The following NOS1 variants were observed in gnomAD, a reference collection of about 807,000 sequenced individuals.
The protein encoded by NOS1 is nitric oxide synthase 1.
NOS1 carries 51 observed loss-of-function variants against 164.5 expected under a neutral mutation model. That is an observed-to-expected ratio of 0.31 (90% confidence interval 0.25 to 0.39). NOS1 has a LOEUF of 0.39. Among genes scored for constraint, NOS1 ranks in the 10% least tolerant of loss-of-function variants. The pLI, the probability that NOS1 is intolerant of heterozygous loss-of-function variation, is 1.00. For synonymous variants in NOS1, 719 were observed against 745.8 expected, an observed-to-expected ratio of 0.96 and a Z score of 0.59; for missense variants, 1,362 against 1,885.6, an observed-to-expected ratio of 0.72 and a Z score of 5.14.
chr12:117,269,440 A>AG (rs1189379043), intron 10 of NOS1, among the ~76,000 whole-genome samples: 1 of 138,168 alleles, frequency 7.2e-6, no homozygotes, highest in East Asian at 2.2e-4. Flanking sequence ...TGACGGGCCC[A>AG]GGGGGCAGGA....
At chr12:117,341,378 C>T (rs551096109) in intron 1 of NOS1, among the ~76,000 whole-genome samples, 3 of 152,054 alleles carry the variant, frequency 2.0e-5, no homozygotes, top group Admixed American at 6.6e-5. Flanking sequence ...ACCACTAGGG[C>T]GGGATGAGGA....
At chr12:117,263,380 C>T (rs747951962) in intron 13 of NOS1, among the ~76,000 whole-genome samples, 6 of 151,950 alleles carry the variant, frequency 3.9e-5, no homozygotes, top group Non-Finnish European at 7.4e-5. Flanking sequence ...ACCTGTAATC[C>T]TAGCACTTTG....
At chr12:117,339,002 G>A (rs1875968747) in intron 1 of NOS1, among the ~76,000 whole-genome samples, 1 of 152,106 alleles carries the variant, frequency 6.6e-6, no homozygotes, top group African/African-American at 2.4e-5. Flanking sequence ...AAGACTGAAA[G>A]CGTAAACCCA....
chr12:117,219,749 T>C (rs763438003), intron 27 of NOS1, among the ~76,000 whole-genome samples: 50 of 152,182 alleles, frequency 3.3e-4, no homozygotes, highest in Non-Finnish European at 3.1e-4. Context: ...CCTGCACAAC[T>C]ACATGGGGCA....
intron 20 of NOS1, among the ~76,000 whole-genome samples, chr12:117,241,222 G>T (rs1870148703): frequency 6.6e-6 from 1 of 152,090 alleles, no homozygotes; most frequent in African/African-American, 2.4e-5. Flanking sequence ...ACAGGTGTGA[G>T]CCACCGTGCC....
intron 3 of NOS1, among the ~76,000 whole-genome samples, chr12:117,301,713 T>C (rs1276795085): frequency 6.6e-6 from 1 of 152,180 alleles, no homozygotes; most frequent in Admixed American, 6.5e-5. Flanking sequence ...AAATCACATC[T>C]GTCCCATTGA....
At position 117,234,597 on chromosome 12, in the gene NOS1, A is replaced by G. The variant is rs1353813600; in HGVS notation, c.3203T>C (p.Val1068Ala). The change falls in exon 21 of 29, where the codon GTG (valine) becomes GCG (alanine). Residue 1068 changes from valine (V) to alanine (A), a missense_variant. Physicochemically the swap from Val to Ala is moderately conservative, Grantham distance 64. Coordinates refer to ENST00000317775, the MANE Select transcript of NOS1 (RefSeq NM_000620.5). The surrounding 1 kb of genome is among the most constrained non-coding windows in gnomAD (Gnocchi z 4.3). ...CGTGTTCCGCTCCTCCAGCAGTTCC[A>G]CTTTCACCATCTGGTTGACAGGCGG... ...DAPPVNQMVK[V>A]ELLEERNTAL... is the part of the protein sequence containing the mutation. 6.2e-7 allele frequency: 1 copy of G among 1,613,882 alleles called. No homozygotes were observed.
chr12:117,345,160 T>C (rs1876292904), intron 1 of NOS1, among the ~76,000 whole-genome samples: 1 of 151,608 alleles, frequency 6.6e-6, no homozygotes, highest in Non-Finnish European at 1.5e-5. Flanking sequence ...GCCTCCTGAG[T>C]AGCTGGGACT....
chr12:117,216,978 C>T (rs757825105), intron 28 of NOS1, among the ~76,000 whole-genome samples: 6 of 152,070 alleles, frequency 3.9e-5, no homozygotes, highest in African/African-American at 7.2e-5. Context: ...AAGTAAAGGG[C>T]GTCCAGGGGT....
At chr12:117,266,444 G>A (rs1566048530) in intron 11 of NOS1, among the ~76,000 whole-genome samples, 1 of 152,058 alleles carries the variant, frequency 6.6e-6, no homozygotes, top group Non-Finnish European at 1.5e-5. Flanking sequence ...GAATTCGGTT[G>A]GTTCCACATT....
rs528579941 is a variant in NOS1, at chr12:117,311,386, C to T, written c.852+80G>A. On this transcript the variant is annotated intron_variant, in intron 3 of 28. Coordinates refer to ENST00000317775, the MANE Select transcript of NOS1 (RefSeq NM_000620.5). ...CATGACACAGTTTAGGATTTAGCTT[C>T]CCTCCCCTCAGCTTCCCACCTGGGA... is the stretch of plus-strand genomic sequence containing the variant. 40 of 1,468,790 alleles carry T rather than the reference C, an allele frequency of 2.7e-5. No homozygotes were observed. The African/African-American group carries it at 5.2e-4, about 19-fold the overall frequency. 91.0% of individuals were successfully genotyped at this position (1,468,790 alleles called of 1,614,324 possible). A position where few individuals can be genotyped will look rare whatever the true frequency, so the allele number is the denominator to read the frequency against.
chr12:117,345,196 T>C (rs1708384010), intron 1 of NOS1, among the ~76,000 whole-genome samples: 1 of 152,140 alleles, frequency 6.6e-6, no homozygotes, highest in South Asian at 2.1e-4. Flanking sequence ...CTAATTTTTA[T>C]ATTTTTAGTG....
chr12:117,269,460 ATTTGTT>A (rs1282633978), intron 10 of NOS1, among the ~76,000 whole-genome samples: 3 of 110,048 alleles, frequency 2.7e-5, no homozygotes, highest in Non-Finnish European at 5.0e-5. Flanking sequence ...ATCTCTGGAG[ATTTGTT>A]TTTTTTTTTT....
chr12:117,334,608 T>G (rs112390840), intron 1 of NOS1, among the ~76,000 whole-genome samples: 16,787 of 152,112 alleles, frequency 0.11, 1,065 homozygotes, highest in Admixed American at 0.19. Flanking sequence ...TTGGACAGGC[T>G]GGTCTCGAAC....
chr12:117,237,542 T>TC (rs906846953), intron 20 of NOS1, among the ~76,000 whole-genome samples: 1 of 151,876 alleles, frequency 6.6e-6, no homozygotes, highest in Admixed American at 6.6e-5. Flanking sequence ...TATTCCCTTC[T>TC]CCCCCCGAGT....
intron 7 of NOS1, among the ~76,000 whole-genome samples, chr12:117,282,600 T>A (rs920556595): frequency 6.6e-6 from 1 of 152,136 alleles, no homozygotes. Context: ...CAACGTAGCA[T>A]GTAATTCTGC....
intron 3 of NOS1, among the ~76,000 whole-genome samples, chr12:117,294,969 C>A (rs575894652): frequency 6.6e-6 from 1 of 152,170 alleles, no homozygotes; most frequent in African/African-American, 2.4e-5. Context: ...CAGCCAGGCT[C>A]AAAAGGAGGC....
intron 24 of NOS1, 79 bp downstream of exon 24, chr12:117,226,604 A>G: frequency 7.9e-7 from 1 of 1,265,582 alleles, no homozygotes; most frequent in East Asian, 2.3e-5. Flanking sequence ...AACCCTTCAG[A>G]CTGGTCCACC....
intron 14 of NOS1, 49 bp from the exon 15 acceptor site, chr12:117,259,179 G>A: frequency 7.7e-7 from 1 of 1,302,530 alleles, no homozygotes; most frequent in Non-Finnish European, 1.1e-6. Context: ...AGAAGGGGAT[G>A]AGGAGAGAAA....
Sources: gnomAD v4.1 joint callset for allele counts (sites outside exome capture counted in the v4.1 genomes callset) on GRCh38, gnomAD v4.1.1 for gene constraint, Gnocchi (gnomAD v3.1) non-coding constraint, MANE v1.5 for transcripts, NCBI Gene and HGNC (gene_info 2026-07-23, HGNC 2026-07-21) for gene names.